Variants in RBMS3 observed in about 807,000 individuals in gnomAD.
RBMS3 encodes RNA-binding motif, single-stranded-interacting protein 3.
In RBMS3, 27 loss-of-function variants were observed where a neutral mutation model predicts 66.8. The ratio of observed to expected loss-of-function variants is 0.40; its 90% CI spans 0.30 to 0.56. The LOEUF is 0.56. Among genes scored for constraint, RBMS3 ranks in the 20% least tolerant of loss-of-function variants. The probability of loss-of-function intolerance (pLI) is 0.40; values close to 1 mark genes in which losing one functional copy is unlikely to be tolerated. For missense variants in RBMS3, 513 were observed against 549.5 expected (o/e 0.93, Z 0.66); for synonymous variants, 188 against 183.0 (o/e 1.03, Z -0.22).
chr3:29,825,280 A>T (rs1576919673), intron 6 of RBMS3, among the ~76,000 whole-genome samples: 1 of 151,756 alleles, frequency 6.6e-6, no homozygotes, highest in Non-Finnish European at 1.5e-5. Context: ...CAGGTTATCC[A>T]CCTGCCTCAT....
chr3:29,444,308 A>G, intron 2 of RBMS3, among the ~76,000 whole-genome samples: 1 of 152,096 alleles, frequency 6.6e-6, no homozygotes, highest in East Asian at 1.9e-4. Context: ...GACATGAAGA[A>G]GTTAAGTGAC....
chr3:29,926,529 G>A (rs914625157), intron 10 of RBMS3, among the ~76,000 whole-genome samples: 3 of 152,166 alleles, frequency 2.0e-5, no homozygotes, highest in African/African-American at 4.8e-5. Flanking sequence ...TGTGGTTTGA[G>A]CAATGATTTT....
chr3:29,839,749 G>A (rs552358664), intron 6 of RBMS3, among the ~76,000 whole-genome samples: 5 of 151,858 alleles, frequency 3.3e-5, no homozygotes, highest in African/African-American at 1.2e-4. Context: ...GGTCTCAGCA[G>A]TAGAGATACA....
At chr3:29,346,492 C>T (rs892971800) in intron 1 of RBMS3, among the ~76,000 whole-genome samples, 26 of 149,942 alleles carry the variant, frequency 1.7e-4, no homozygotes, top group African/African-American at 6.4e-4. Context: ...CAACCTCCGC[C>T]TCCCGGGTTC....
chr3:29,768,829 T>A (rs2056050808), intron 6 of RBMS3, among the ~76,000 whole-genome samples: 1 of 151,912 alleles, frequency 6.6e-6, no homozygotes, highest in Non-Finnish European at 1.5e-5. Context: ...TTTCCTTTAT[T>A]AGCATTTTCC....
intron 14 of RBMS3, among the ~76,000 whole-genome samples, chr3:30,003,485 C>T (rs960315648): frequency 3.3e-5 from 5 of 151,874 alleles, no homozygotes; most frequent in African/African-American, 9.7e-5. Context: ...TGATGAATAC[C>T]ATGAGATAAC....
intron 4 of RBMS3, among the ~76,000 whole-genome samples, chr3:29,690,516 C>T (rs948499202): frequency 1.3e-5 from 2 of 152,160 alleles, no homozygotes; most frequent in Non-Finnish European, 2.9e-5. Context: ...AATCAATTAT[C>T]TCTAATCAAT....
chr3:29,542,034 G>C (rs1442281078), intron 3 of RBMS3, among the ~76,000 whole-genome samples: 1 of 152,020 alleles, frequency 6.6e-6, no homozygotes, highest in Admixed American at 6.6e-5. Flanking sequence ...TATATGTTTA[G>C]CATATCCCCA....
intron 4 of RBMS3, among the ~76,000 whole-genome samples, chr3:29,610,370 G>A (rs1329717517): frequency 6.6e-6 from 1 of 152,024 alleles, no homozygotes; most frequent in Non-Finnish European, 1.5e-5. Context: ...GGATAAGACT[G>A]ACTCTCACCA....
At chr3:29,772,594 G>A (rs1264098595) in intron 6 of RBMS3, among the ~76,000 whole-genome samples, 2 of 151,850 alleles carry the variant, frequency 1.3e-5, no homozygotes, top group Admixed American at 6.6e-5. Flanking sequence ...GCTCACCTCC[G>A]AATGCAGCAT....
At chr3:29,958,558 GT>G (rs889740628) in intron 12 of RBMS3, among the ~76,000 whole-genome samples, 53 of 151,434 alleles carry the variant, frequency 3.5e-4, no homozygotes, top group South Asian at 1.3e-3. Flanking sequence ...AAATCTGAGA[GT>G]TTTTTTTTAA....
intron 12 of RBMS3, among the ~76,000 whole-genome samples, chr3:29,956,122 C>T (rs1387191578): frequency 6.6e-6 from 1 of 152,108 alleles, no homozygotes; most frequent in Admixed American, 6.6e-5. Flanking sequence ...ACAGTATAAT[C>T]TTCAAGCTAC....
chr3:29,335,804 G>A (rs139047438), intron 1 of RBMS3, among the ~76,000 whole-genome samples: 2 of 152,222 alleles, frequency 1.3e-5, no homozygotes, highest in Non-Finnish European at 2.9e-5. Context: ...AATTTGTGAA[G>A]ATATCTTTTT....
chr3:29,744,826 C>G (rs1403206118), intron 5 of RBMS3, among the ~76,000 whole-genome samples: 1 of 151,348 alleles, frequency 6.6e-6, no homozygotes, highest in Non-Finnish European at 1.5e-5. Context: ...GGGAGAATAC[C>G]TAGCCAATAA....
At chr3:29,529,431 C>T (rs888831369) in intron 3 of RBMS3, among the ~76,000 whole-genome samples, 1 of 152,076 alleles carries the variant, frequency 6.6e-6, no homozygotes, top group Non-Finnish European at 1.5e-5. Flanking sequence ...TTTGCATACA[C>T]GTTTTATAAA....
intron 5 of RBMS3, among the ~76,000 whole-genome samples, chr3:29,760,180 G>A (rs748628162): frequency 6.6e-6 from 1 of 151,920 alleles, no homozygotes; most frequent in Non-Finnish European, 1.5e-5. Context: ...TTTTAAGTGG[G>A]TGGAGTGGGT....
chr3:29,990,423 A>G (rs1165558909), intron 13 of RBMS3, among the ~76,000 whole-genome samples: 1 of 150,238 alleles, frequency 6.7e-6, no homozygotes, highest in Non-Finnish European at 1.5e-5. Flanking sequence ...ATTGTGACCA[A>G]TTCCGGAAAT....
Position 29,728,217 on chromosome 3 carries a change from G to A in RBMS3, c.400-11503G>A, listed in dbSNP as rs533606488. ...ACTGGGGGCCTGTTGGGGCAGGGGG[G>A]TAAGGGGAGGGAGAGGATTGGGACA... On this transcript the variant is annotated intron_variant, in intron 4 of 14. Transcript: ENST00000383767. 2.7e-5 allele frequency among the ~76,000 whole-genome samples: 4 copies of A among 150,260 alleles called. No individual in the cohort carries two copies. In the East Asian group the frequency reaches 8.0e-4, roughly 30 times the overall value.
At chr3:29,938,382 G>T (rs1220716447) in intron 11 of RBMS3, among the ~76,000 whole-genome samples, 4 of 151,836 alleles carry the variant, frequency 2.6e-5, no homozygotes. Flanking sequence ...ATTTCCACTA[G>T]CTTTTTTCTT....
Sources: allele counts gnomAD v4.1 joint callset (sites outside exome capture counted in the v4.1 genomes callset), GRCh38; gene constraint gnomAD v4.1.1; transcripts MANE v1.5; gene names NCBI Gene and HGNC (gene_info 2026-07-23, HGNC 2026-07-21).